Variants in INSR observed in about 807,000 individuals in gnomAD.
INSR encodes IR.
In INSR, 67 loss-of-function variants were observed where a neutral mutation model predicts 142.6. The observed-to-expected ratio is 0.47, with a 90% confidence interval of 0.39 to 0.58. INSR has a LOEUF of 0.58. Among genes scored for constraint, INSR ranks in the 20% least tolerant of loss-of-function variants. The pLI is 0.00. For missense variants in INSR, 1,248 were observed against 1,833.2 expected, an observed-to-expected ratio of 0.68 and a Z score of 5.83; for synonymous variants, 756 against 743.1, an observed-to-expected ratio of 1.02 and a Z score of -0.28.
chr19:7,195,773 C>T (rs527811458), intron 2 of INSR, among the ~76,000 whole-genome samples: 1 of 151,776 alleles, frequency 6.6e-6, no homozygotes, highest in Admixed American at 6.6e-5. Context: ...TAGATTGGAA[C>T]CTTCGCCTAG....
At chr19:7,208,303 C>G (rs1975172997) in intron 2 of INSR, among the ~76,000 whole-genome samples, 1 of 150,680 alleles carries the variant, frequency 6.6e-6, no homozygotes, top group Admixed American at 6.7e-5. Context: ...ACATAGAAAT[C>G]CCCCCCTTGA....
At position 7,267,445 on chromosome 19, in the gene INSR, G is replaced by A. The variant is rs773520936; in HGVS notation, c.552C>T (p.Asp184=). ...TGCCCTTCGCGGTACCCGGACAGATGTCTCCACACTCCTCGTTGTCATCTT... is the reference window on the plus strand; with the variant it reads ...TGCCCTTCGCGGTACCCGGACAGATATCTCCACACTCCTCGTTGTCATCTT... ...LNKDDNEECG[D]ICPGTAKGKT... Residue 184 remains aspartate, a synonymous_variant, in exon 2 of 22, where the codon GAC becomes GAT. Transcript: ENST00000302850. This position sits in a 1 kb window ranked among gnomAD's most constrained non-coding sequence, Gnocchi z 6.3. 3 of 1,614,088 alleles carry A rather than the reference G, an allele frequency of 1.9e-6. No individual in the cohort carries two copies. The South Asian group carries it at 3.3e-5, about 18-fold the overall frequency.
In INSR at chr19:7,113,083, C is replaced by T. The variant is rs989135460; in HGVS notation, c.*3973G>A. ...AGGTGACATTCAAAGGACATTTAACCCTAAACTTCCACCCACTGTGAAGGA... is the reference window on the plus strand; with the variant it reads ...AGGTGACATTCAAAGGACATTTAACTCTAAACTTCCACCCACTGTGAAGGA... On this transcript the variant is annotated 3_prime_UTR_variant, in exon 22 of 22. Transcript: ENST00000302850. 2.6e-5 allele frequency: 4 copies of T among 152,136 alleles called. No individual in the cohort carries two copies. The highest frequency in any genetic ancestry group is 9.7e-5 in the African/African-American group (4 of 41,408). 9.4% of individuals were successfully genotyped at this position (152,136 alleles called of 1,614,324 possible).
intron 3 of INSR, among the ~76,000 whole-genome samples, chr19:7,182,097 C>T (rs975550150): frequency 1.1e-4 from 17 of 151,268 alleles, no homozygotes; most frequent in African/African-American, 3.6e-4. Flanking sequence ...TTTGGGAGGC[C>T]GAGGTGGGTG....
chr19:7,281,910 A>C (rs142228554), intron 1 of INSR, among the ~76,000 whole-genome samples: 119 of 152,238 alleles, frequency 7.8e-4, no homozygotes, highest in African/African-American at 2.7e-3. Context: ...ACCTGATGAG[A>C]TATCCTACTT....
In INSR at chr19:7,267,959, G is replaced by A. The variant is rs918448379; in HGVS notation, c.101-63C>T. ...CAGACGCACGGTGGATGCATCAGAAGGATCAGGGGCAGAGCCGGCTTCATG... is the reference window on the plus strand; with the variant it reads ...CAGACGCACGGTGGATGCATCAGAAAGATCAGGGGCAGAGCCGGCTTCATG... On this transcript the variant is annotated intron_variant, in intron 1 of 21. Transcript: ENST00000302850. The surrounding 1 kb of genome is among the most constrained non-coding windows in gnomAD (Gnocchi z 6.3). 9 of 1,398,568 alleles carry A rather than the reference G, an allele frequency of 6.4e-6. No homozygotes were observed. The highest frequency in any genetic ancestry group is 4.1e-4 in the Middle Eastern group (2 of 4,910). 86.6% of individuals were successfully genotyped at this position (1,398,568 alleles called of 1,614,324 possible).
chr19:7,259,009 A>T (rs1249677288), intron 2 of INSR, among the ~76,000 whole-genome samples: 14 of 88,412 alleles, frequency 1.6e-4, no homozygotes, highest in East Asian at 5.9e-4. Flanking sequence ...TCCTTCTTTC[A>T]TTTCTCCTTC....
chr19:7,153,615 G>A (rs935429244), intron 9 of INSR, among the ~76,000 whole-genome samples: 1 of 152,166 alleles, frequency 6.6e-6, no homozygotes, highest in African/African-American at 2.4e-5. Context: ...CTACTTGGGA[G>A]GCTCAGGTGA....
chr19:7,120,870 C>T, intron 19 of INSR, 121 bp from the exon 20 acceptor site: 2 of 1,298,460 alleles, frequency 1.5e-6, no homozygotes, highest in Admixed American at 1.7e-5. Context: ...CGTCTGCGCT[C>T]ACCTGGGTGG....
rs1972287934 is a variant in INSR, at chr19:7,114,962, A to G, written c.*2094T>C. The G allele has an allele frequency of 2.0e-5, 3 of 152,066 alleles. No homozygotes were observed. The highest frequency in any genetic ancestry group is 2.0e-4 in the Admixed American group (3 of 15,254). 9.4% of individuals were successfully genotyped at this position (152,066 alleles called of 1,614,324 possible). A position where few individuals can be genotyped will look rare whatever the true frequency, so the allele number is the denominator to read the frequency against. On this transcript the variant is annotated 3_prime_UTR_variant, in exon 22 of 22. Transcript: ENST00000302850. ...CTCATATTTACAAAATAAATTTGGC[A>G]AAAATAATTTCTGTACTCTTGCTTC...
intron 2 of INSR, among the ~76,000 whole-genome samples, chr19:7,228,671 A>G (rs906540107): frequency 1.3e-5 from 2 of 152,254 alleles, no homozygotes; most frequent in Non-Finnish European, 2.9e-5. Context: ...AATCAATTGC[A>G]GGGCTTTTAG....
chr19:7,120,594 C>T (rs1395219186), intron 20 of INSR, 26 bp downstream of exon 20: 1 of 1,613,670 alleles, frequency 6.2e-7, no homozygotes, highest in Non-Finnish European at 8.5e-7. Flanking sequence ...GCCCAGCGTC[C>T]ATCCACCCAT....
rs1973997897 is a variant in INSR at position 7,170,733 on chromosome 19, G to C, written c.1287C>G (p.Ala429=). The part of the protein sequence containing the change: ...TLEIGNYSFY[A]LDNQNLRQLW... ...GCTGCCTTAGGTTCTGGTTGTCCAAGGCATAGAAGGAGTAGTTCCTATGGA... is the reference window on the plus strand; with the variant it reads ...GCTGCCTTAGGTTCTGGTTGTCCAACGCATAGAAGGAGTAGTTCCTATGGA... The change falls in exon 6 of 22, where the codon GCC becomes GCG. Residue 429 remains alanine (A), a synonymous_variant. Coordinates refer to ENST00000302850, the MANE Select transcript of INSR (RefSeq NM_000208.4). 6.2e-7 allele frequency: 1 copy of C among 1,613,848 alleles called. No homozygotes were observed. Among genetic ancestry groups the C allele is most frequent in the Non-Finnish European group, 8.5e-7 (1 of 1,179,820 alleles).
intron 2 of INSR, among the ~76,000 whole-genome samples, chr19:7,207,901 A>AAAGG (rs35679001): frequency 0.13 from 9,151 of 72,612 alleles, 690 homozygotes; most frequent in African/African-American, 0.14. Context: ...GGAAGGAAGG[A>AAAGG]AAGGAAGGAA....
chr19:7,244,975 GC>G (rs1976492564), intron 2 of INSR, among the ~76,000 whole-genome samples: 1 of 127,996 alleles, frequency 7.8e-6, no homozygotes, highest in Non-Finnish European at 1.6e-5. Context: ...TCGCTCTGTC[GC>G]CCAGGCTGGA....
At position 7,225,704 on chromosome 19, in the gene INSR, C is replaced by A. The variant is rs540981421; in HGVS notation, c.653-41067G>T. On this transcript the variant is annotated intron_variant, in intron 2 of 21. Coordinates refer to ENST00000302850, the MANE Select transcript of INSR (RefSeq NM_000208.4). The surrounding 1 kb of genome is among the most constrained non-coding windows in gnomAD (Gnocchi z 4.7). ...ATGGGCTCTTGGTTTCCATTTCCCC[C>A]CCCTCAAAAAAAGAGCAGAGAATAA... is the stretch of plus-strand genomic sequence containing the variant. 3.1e-5 allele frequency among the ~76,000 whole-genome samples: 4 copies of A among 130,688 alleles called. No homozygotes were observed. The South Asian group carries it at 1.1e-3, about 35-fold the overall frequency. The allele number at this position is 130,688 out of a possible 152,430, so 85.7% of individuals were successfully genotyped here. A position where few individuals can be genotyped will look rare whatever the true frequency, so the allele number is the denominator to read the frequency against.
Position 7,117,203 on chromosome 19 carries a change from G to A in INSR, c.4002C>T (p.His1334=), listed in dbSNP as rs537683903. 2 of 1,614,142 alleles carry A rather than the reference G, an allele frequency of 1.2e-6. No individual in the cohort carries two copies. The highest frequency in any genetic ancestry group is 8.5e-7 in the Non-Finnish European group (1 of 1,180,032). The change falls in exon 22 of 22, where the codon CAC becomes CAT. Residue 1334 remains histidine (H), a synonymous_variant. Coordinates refer to ENST00000302850, the MANE Select transcript of INSR (RefSeq NM_000208.4). ...MENVPLDRSS[H]CQREEAGGRD... ...GGCCCCCCGCCTCCTCCCTCTGACA[G>A]TGCGAGGAACGGTCCAGGGGCACAT...
chr19:7,119,427 C>T lies in INSR; in HGVS notation c.3794+22G>A, dbSNP rs1248400068. On this transcript the variant is annotated intron_variant, in intron 21 of 21. Transcript: ENST00000302850. This position sits in a 1 kb window ranked among gnomAD's most constrained non-coding sequence, Gnocchi z 5.2. ...CCCTTTCAACGAACACCTCACACAC[C>T]TTAAACCCTTTCTACACTTACACTC... 1.9e-6 allele frequency: 3 copies of T among 1,613,984 alleles called. No homozygotes were observed. The African/African-American group carries it at 4.0e-5, about 22-fold the overall frequency.
intron 2 of INSR, among the ~76,000 whole-genome samples, chr19:7,196,756 A>G (rs987705441): frequency 1.3e-5 from 2 of 152,292 alleles, no homozygotes; most frequent in South Asian, 2.1e-4. Context: ...ACTTAAAAAA[A>G]AAAAGTTTAA....
Sources: allele counts gnomAD v4.1 joint callset (sites outside exome capture counted in the v4.1 genomes callset), GRCh38; gene constraint gnomAD v4.1.1; non-coding constraint Gnocchi (gnomAD v3.1); transcripts MANE v1.5; gene names NCBI Gene and HGNC (gene_info 2026-07-23, HGNC 2026-07-21).